NTM: variants seen among roughly 807,000 people sequenced by gnomAD.
The protein encoded by NTM is neurotrimin.
A neutral mutation model predicts 42.1 loss-of-function variants in NTM; 13 were observed. The ratio of observed to expected loss-of-function variants is 0.31; its 90% CI spans 0.20 to 0.49. The LOEUF is 0.49. Among genes scored for constraint, NTM ranks in the 20% least tolerant of loss-of-function variants. The probability of loss-of-function intolerance (pLI) is 0.99; values close to 1 mark genes in which losing one functional copy is unlikely to be tolerated. For synonymous variants in NTM, 187 were observed against 179.2 expected (o/e 1.04, Z -0.35); for missense variants, 373 against 452.8 (o/e 0.82, Z 1.60).
chr11:131,943,005 C>T (rs1247215321), intron 2 of NTM, among the ~76,000 whole-genome samples: 1 of 151,634 alleles, frequency 6.6e-6, no homozygotes, highest in African/African-American at 2.4e-5. Flanking sequence ...GCATTCCTGG[C>T]AGAGAGACTA....
intron 2 of NTM, among the ~76,000 whole-genome samples, chr11:132,107,289 T>C (rs2062503841): frequency 6.6e-6 from 1 of 151,468 alleles, no homozygotes; most frequent in African/African-American, 2.4e-5. Context: ...AGTTTTCATG[T>C]GACCTGCAAT....
At chr11:131,771,425 A>G (rs1420451817) in intron 1 of NTM, 1 of 152,182 alleles carries the variant, frequency 6.6e-6, no homozygotes. Flanking sequence ...ACCACAATCT[A>G]TTCAGGTACA....
chr11:131,473,950 T>C (rs1305923067), intron 1 of NTM, among the ~76,000 whole-genome samples: 1 of 152,204 alleles, frequency 6.6e-6, no homozygotes, highest in Non-Finnish European at 1.5e-5. Flanking sequence ...AAATTAAGAA[T>C]AAAAATAAAC....
rs180812275 is a variant in NTM at position 132,102,195 on chromosome 11, C to T, written c.168-44087C>T. ...ACATTACTTTAGCTCCCAAAGTATC[C>T]GAACTATGACTTTTTCTGTCTTCTG... On this transcript the variant is annotated intron_variant, in intron 2 of 8. Transcript: ENST00000683400. Among the ~76,000 whole-genome samples, 193 of 152,304 alleles carry T rather than the reference C, an allele frequency of 1.3e-3. 1 individual carries two copies. Among genetic ancestry groups the T allele is most frequent in the Non-Finnish European group, 2.1e-3 (143 of 68,036 alleles).
Position 131,981,856 on chromosome 11 carries a change from A to G in NTM, c.167+70208A>G, listed in dbSNP as rs867291490. Among the ~76,000 whole-genome samples the G allele has an allele frequency of 7.9e-5, 12 of 152,150 alleles. No homozygotes were observed. In the Middle Eastern group the frequency reaches 0.017, roughly 217 times the overall value. ...CGAAACCCCATCTCTACTAAAAAATACAAACATTAGCTGGGCGTGGTGTCA... is the reference window on the plus strand; with the variant it reads ...CGAAACCCCATCTCTACTAAAAAATGCAAACATTAGCTGGGCGTGGTGTCA... On this transcript the variant is annotated intron_variant, in intron 2 of 8. Coordinates refer to ENST00000683400, the MANE Select transcript of NTM (RefSeq NM_001352005.2).
At chr11:131,588,302 A>G (rs145886531) in intron 1 of NTM, among the ~76,000 whole-genome samples, 44 of 152,350 alleles carry the variant, frequency 2.9e-4, no homozygotes, top group African/African-American at 9.6e-4. Context: ...GCAACCCAAG[A>G]GACAGTGAGA....
At chr11:132,238,907 C>A (rs991560298) in intron 4 of NTM, among the ~76,000 whole-genome samples, 14 of 152,190 alleles carry the variant, frequency 9.2e-5, no homozygotes, top group Non-Finnish European at 1.5e-5. Context: ...CCTTGTTTCT[C>A]TAAGAAATGT....
At chr11:131,812,853 G>A (rs2092795385) in intron 1 of NTM, among the ~76,000 whole-genome samples, 1 of 152,196 alleles carries the variant, frequency 6.6e-6, no homozygotes, top group Admixed American at 6.5e-5. Context: ...TCAAGGGCCT[G>A]TGAGGAGCTT....
intron 1 of NTM, among the ~76,000 whole-genome samples, chr11:131,464,461 A>G (rs1951706989): frequency 6.6e-6 from 1 of 152,110 alleles, no homozygotes; most frequent in South Asian, 2.1e-4. Context: ...TTCACAGGTT[A>G]TAAATTAACG....
At chr11:131,752,584 G>A (rs1367482420) in intron 1 of NTM, among the ~76,000 whole-genome samples, 2 of 152,146 alleles carry the variant, frequency 1.3e-5, no homozygotes, top group Non-Finnish European at 1.5e-5. Context: ...AAAGACACAT[G>A]CACATGTATG....
chr11:132,071,837 A>G (rs2057717449), intron 2 of NTM, among the ~76,000 whole-genome samples: 1 of 152,164 alleles, frequency 6.6e-6, no homozygotes, highest in Non-Finnish European at 1.5e-5. Context: ...CCTCATATAT[A>G]TGGTAACCAG....
intron 4 of NTM, among the ~76,000 whole-genome samples, chr11:132,233,306 G>C (rs1247363269): frequency 2.0e-5 from 3 of 152,276 alleles, no homozygotes; most frequent in East Asian, 1.9e-4. Context: ...TGTAATTCTA[G>C]CTACTTGGGA....
intron 1 of NTM, among the ~76,000 whole-genome samples, chr11:131,512,611 C>G (rs139247278): frequency 4.6e-5 from 7 of 152,346 alleles, no homozygotes; most frequent in African/African-American, 1.7e-4. Flanking sequence ...CTGTTCCCCC[C>G]ACAGCAGACT....
intron 1 of NTM, among the ~76,000 whole-genome samples, chr11:131,515,457 C>T (rs2048780204): frequency 6.6e-6 from 1 of 152,160 alleles, no homozygotes; most frequent in African/African-American, 2.4e-5. Flanking sequence ...GGTGCTCTAT[C>T]CTCCCCCAGC....
intron 1 of NTM, among the ~76,000 whole-genome samples, chr11:131,571,350 A>G (rs543484573): frequency 1.3e-5 from 2 of 152,300 alleles, no homozygotes; most frequent in Admixed American, 6.5e-5. Context: ...TACATATATT[A>G]ACACGAATCC....
intron 1 of NTM, among the ~76,000 whole-genome samples, chr11:131,460,117 C>A (rs751709831): frequency 3.9e-5 from 6 of 152,124 alleles, no homozygotes; most frequent in Non-Finnish European, 8.8e-5. Flanking sequence ...GTGTCCAGAA[C>A]AAACTTTATT....
chr11:132,132,106 G>GCC (rs10677880), intron 2 of NTM, among the ~76,000 whole-genome samples: 21,938 of 152,106 alleles, frequency 0.14, 1,933 homozygotes, highest in African/African-American at 0.25. Flanking sequence ...CAGTTCAAGT[G>GCC]CCCGAGGATA....
chr11:131,566,989 T>A lies in NTM; in HGVS notation c.82+196101T>A, dbSNP rs189437318. Among the ~76,000 whole-genome samples, 4 of 151,466 alleles carry A rather than the reference T, an allele frequency of 2.6e-5. No homozygotes were observed. The East Asian group carries it at 7.8e-4, about 30-fold the overall frequency. On this transcript the variant is annotated intron_variant, in intron 1 of 8. Transcript: ENST00000683400. The stretch of plus-strand genomic sequence containing the variant: ...GCCACACATTTTAGTCTTGGAAAAA[T>A]CTCTCAGCTGGAATTTGACCCTCAA...
chr11:132,083,915 T>C (rs528676682), intron 2 of NTM, among the ~76,000 whole-genome samples: 1 of 152,070 alleles, frequency 6.6e-6, no homozygotes, highest in South Asian at 2.1e-4. Flanking sequence ...ACTCAATTAT[T>C]AAAGACTTTA....
Sources: gnomAD v4.1 joint callset for allele counts (sites outside exome capture counted in the v4.1 genomes callset) on GRCh38, gnomAD v4.1.1 for gene constraint, MANE v1.5 for transcripts, NCBI Gene and HGNC (gene_info 2026-07-23, HGNC 2026-07-21) for gene names.